Variants in VRK1 observed in about 807,000 individuals in gnomAD.
VRK1 encodes the protein VRK serine/threonine kinase 1.
Under a neutral mutation model 57.1 loss-of-function variants are expected in VRK1, and 33 were observed. The observed-to-expected ratio is 0.58, with a 90% CI of 0.44 to 0.77. VRK1 has a LOEUF of 0.77. Ranked by LOEUF, VRK1 falls within the 30% of genes least tolerant of loss-of-function variation. The probability of loss-of-function intolerance (pLI) is 0.00; values close to 1 mark genes in which losing one functional copy is unlikely to be tolerated. For missense variants in VRK1, 413 were observed against 477.3 expected (o/e 0.87, Z 1.25); for synonymous variants, 137 against 147.8 (o/e 0.93, Z 0.53).
At chr14:96,855,179 C>T in intron 7 of VRK1, 45 bp from the exon 8 acceptor site, 2 of 1,613,332 alleles carry the variant, frequency 1.2e-6, no homozygotes, top group Admixed American at 1.7e-5. Flanking sequence ...GTTATATGTG[C>T]AGTGATTTTG....
At chr14:96,832,289 C>A (rs772461589) in intron 1 of VRK1, among the ~76,000 whole-genome samples, 2 of 152,118 alleles carry the variant, frequency 1.3e-5, no homozygotes, top group Non-Finnish European at 2.9e-5. Context: ...CTTCTTTCAT[C>A]TGAATAGCCA....
At chr14:96,847,984 A>G (rs1255213236) in intron 5 of VRK1, among the ~76,000 whole-genome samples, 1 of 152,200 alleles carries the variant, frequency 6.6e-6, no homozygotes, top group Admixed American at 6.5e-5. Context: ...CTTGATACAT[A>G]TTTGAATGAA....
intron 10 of VRK1, among the ~76,000 whole-genome samples, chr14:96,858,053 G>GT (rs200904067): frequency 5.3e-5 from 8 of 150,960 alleles, no homozygotes; most frequent in Admixed American, 2.6e-4. Flanking sequence ...ATTATCGCAT[G>GT]TTTTTTTTTG....
chr14:96,881,441 G>T lies in VRK1; in HGVS notation c.*233G>T. 2.3e-6 allele frequency: 1 copy of T among 442,602 alleles called. No homozygotes were observed. Among genetic ancestry groups the T allele is most frequent in the Non-Finnish European group, 4.0e-6 (1 of 251,480 alleles). 27.4% of individuals were successfully genotyped at this position (442,602 alleles called of 1,614,324 possible). ...GTTATACTCCTTAAGTTATCCCAAAGCCGTGTGTTTGTGATGTTTTGGAGT... is the reference window on the plus strand; with the variant it reads ...GTTATACTCCTTAAGTTATCCCAAATCCGTGTGTTTGTGATGTTTTGGAGT... On this transcript the variant is annotated 3_prime_UTR_variant, in exon 13 of 13. Transcript: ENST00000216639.
chr14:96,879,935 AAATAAT>A (rs995522324), intron 12 of VRK1, among the ~76,000 whole-genome samples: 15 of 151,834 alleles, frequency 9.9e-5, no homozygotes, highest in African/African-American at 3.4e-4. Context: ...TCAAAAAAAA[AAATAAT>A]AATAATAAAA....
At position 96,797,681 on chromosome 14, in the gene VRK1, C is replaced by T. The variant is rs933008638; in HGVS notation, c.-6+234C>T. ...TCTCGTTCAGGCCCCGCAGGCGCCC[C>T]CGGGGATGCCTGGACTGGCCAGGCC... On this transcript the variant is annotated intron_variant, in intron 1 of 12. Coordinates refer to ENST00000216639, the MANE Select transcript of VRK1 (RefSeq NM_003384.3). Among the ~76,000 whole-genome samples, 318 of 152,252 alleles carry T rather than the reference C, an allele frequency of 2.1e-3. 1 individual carries two copies. The highest frequency in any genetic ancestry group is 7.2e-3 in the African/African-American group (301 of 41,572).
intron 11 of VRK1, among the ~76,000 whole-genome samples, chr14:96,874,865 G>A (rs567170400): frequency 1.4e-4 from 22 of 152,316 alleles, no homozygotes; most frequent in African/African-American, 5.1e-4. Flanking sequence ...AAGGAACAAT[G>A]TGCTGTCAGC....
chr14:96,857,103 A>C (rs1414274120), intron 10 of VRK1, among the ~76,000 whole-genome samples: 2 of 152,234 alleles, frequency 1.3e-5, no homozygotes, highest in Admixed American at 1.3e-4. Context: ...ATTGTGTGCC[A>C]GGGACTGGGG....
intron 1 of VRK1, among the ~76,000 whole-genome samples, chr14:96,800,504 T>C (rs1000238854): frequency 2.0e-5 from 3 of 152,190 alleles, no homozygotes; most frequent in African/African-American, 7.2e-5. Context: ...TTAGTATTCA[T>C]CAATAAATAC....
chr14:96,826,756 C>A (rs1255421681), intron 1 of VRK1, among the ~76,000 whole-genome samples: 1 of 152,226 alleles, frequency 6.6e-6, no homozygotes, highest in Non-Finnish European at 1.5e-5. Context: ...AGAAAACTCA[C>A]TAACTTACTG....
intron 1 of VRK1, among the ~76,000 whole-genome samples, chr14:96,827,066 C>T (rs1293309741): frequency 2.0e-5 from 3 of 151,828 alleles, no homozygotes; most frequent in African/African-American, 7.3e-5. Context: ...CATTAATAAG[C>T]CTTTGTCTGG....
In VRK1 at chr14:96,881,138, A is replaced by C. The variant is rs748566735; in HGVS notation, c.1160-39A>C. 12 of 1,562,590 alleles carry C rather than the reference A, an allele frequency of 7.7e-6. No individual in the cohort carries two copies. In the South Asian group the frequency reaches 1.3e-4, roughly 17 times the overall value. On this transcript the variant is annotated intron_variant, in intron 12 of 12. Transcript: ENST00000216639. ...TTCTGTTCTTTTGCTTTTGTAAATT[A>C]TTGACTAGTGATTTCAGTTTCTTTG...
chr14:96,861,553 C>T (rs1398962793), intron 11 of VRK1, among the ~76,000 whole-genome samples: 1 of 152,064 alleles, frequency 6.6e-6, no homozygotes, highest in African/African-American at 2.4e-5. Context: ...ATTTGGAAAT[C>T]TCGTATTCCA....
intron 3 of VRK1, among the ~76,000 whole-genome samples, chr14:96,842,558 C>T (rs1887507852): frequency 6.6e-6 from 1 of 152,036 alleles, no homozygotes; most frequent in Non-Finnish European, 1.5e-5. Flanking sequence ...CAAAATGTTT[C>T]CATATTTTCT....
At chr14:96,808,026 T>TCTCTCC (rs1885973391) in intron 1 of VRK1, among the ~76,000 whole-genome samples, 8 of 42,612 alleles carry the variant, frequency 1.9e-4, no homozygotes, top group South Asian at 7.0e-4. Context: ...TCTGTGTGTG[T>TCTCTCC]GTGTGTGTGT....
At chr14:96,872,743 T>A (rs1229546518) in intron 11 of VRK1, among the ~76,000 whole-genome samples, 1 of 152,214 alleles carries the variant, frequency 6.6e-6, no homozygotes, top group Non-Finnish European at 1.5e-5. Context: ...TTTAACTAAA[T>A]CTATTAGTTT....
intron 1 of VRK1, among the ~76,000 whole-genome samples, chr14:96,822,476 C>A (rs1886640610): frequency 6.6e-6 from 1 of 152,140 alleles, no homozygotes; most frequent in Non-Finnish European, 1.5e-5. Context: ...GGGTCTAGTC[C>A]TATTCTCTAC....
chr14:96,852,976 G>T (rs1379550219), intron 6 of VRK1, 37 bp downstream of exon 6: 2 of 1,609,644 alleles, frequency 1.2e-6, no homozygotes, highest in South Asian at 2.2e-5. Flanking sequence ...TTAAAAAATT[G>T]TTTTGAGTAC....
intron 7 of VRK1, among the ~76,000 whole-genome samples, chr14:96,854,237 A>C (rs2139799221): frequency 6.6e-6 from 1 of 152,334 alleles, no homozygotes; most frequent in Middle Eastern, 3.4e-3. Context: ...CAACCTGAAC[A>C]ATAAGGGTTC....
Sources: allele counts gnomAD v4.1 joint callset (sites outside exome capture counted in the v4.1 genomes callset), GRCh38; gene constraint gnomAD v4.1.1; transcripts MANE v1.5; gene names NCBI Gene and HGNC (gene_info 2026-07-23, HGNC 2026-07-21).